RXRA: variants seen among roughly 807,000 people sequenced by gnomAD.
The protein encoded by RXRA is retinoid X receptor alpha, also known as retinoic acid receptor RXR-alpha.
A neutral mutation model predicts 44.5 loss-of-function variants in RXRA; 5 were observed. The observed-to-expected ratio is 0.11, with a 90% CI of 0.06 to 0.24. The LOEUF (loss-of-function observed/expected upper bound fraction) is 0.24, where lower values mean the gene tolerates loss of function less well. RXRA is among the 10% of genes least tolerant of loss of function. The pLI is 1.00. For missense variants in RXRA, 412 were observed against 646.5 expected (o/e 0.64, Z 3.93); for synonymous variants, 291 against 271.4 (o/e 1.07, Z -0.71).
At chr9:134,384,576 T>C (rs926363484) in intron 1 of RXRA, among the ~76,000 whole-genome samples, 50 of 151,836 alleles carry the variant, frequency 3.3e-4, no homozygotes, top group African/African-American at 1.1e-3. Context: ...CCTCAGCCGG[T>C]GGAGCTGTGG....
intron 4 of RXRA, among the ~76,000 whole-genome samples, chr9:134,410,531 T>C (rs549810278): frequency 6.6e-6 from 1 of 152,276 alleles, no homozygotes; most frequent in African/African-American, 2.4e-5. Context: ...CCCAGTCTGG[T>C]TCTTCCGGGT....
rs1203410883 is a variant in RXRA at position 134,342,853 on chromosome 9, C to A, written c.28+16194C>A. 6.6e-6 allele frequency among the ~76,000 whole-genome samples: 1 copy of A among 152,194 alleles called. No individual in the cohort carries two copies. The highest frequency in any genetic ancestry group is 2.4e-5 in the African/African-American group (1 of 41,448). On this transcript the variant is annotated intron_variant, in intron 1 of 9. Transcript: ENST00000481739. The surrounding 1 kb of genome is among the most constrained non-coding windows in gnomAD (Gnocchi z 4.4). ...TTGAGCGCAGGTGGTGGCTGTGGCCCTGCCACCACCACAGTGACCTTCCCT... is the reference window on the plus strand; with the variant it reads ...TTGAGCGCAGGTGGTGGCTGTGGCCATGCCACCACCACAGTGACCTTCCCT...
chr9:134,410,100 C>G (rs1056166725), intron 4 of RXRA, among the ~76,000 whole-genome samples: 2 of 152,250 alleles, frequency 1.3e-5, no homozygotes, highest in South Asian at 4.1e-4. Context: ...TTGTGTATGT[C>G]TTCTCAGCCT....
At chr9:134,359,668 G>A (rs980217397) in intron 1 of RXRA, among the ~76,000 whole-genome samples, 2 of 152,136 alleles carry the variant, frequency 1.3e-5, no homozygotes, top group African/African-American at 4.8e-5. Context: ...TCCCTCTGCT[G>A]GATAAATAGC....
At chr9:134,370,816 G>T (rs1674806195) in intron 1 of RXRA, among the ~76,000 whole-genome samples, 1 of 152,240 alleles carries the variant, frequency 6.6e-6, no homozygotes, top group Non-Finnish European at 1.5e-5. Context: ...GTTGGAGGTG[G>T]TGTGGACATG....
chr9:134,434,666 C>A (rs560114799), intron 9 of RXRA, among the ~76,000 whole-genome samples: 1 of 146,714 alleles, frequency 6.8e-6, no homozygotes, highest in Non-Finnish European at 1.5e-5. Context: ...GCTCATGTTT[C>A]CCCCCTGCCC....
intron 5 of RXRA, among the ~76,000 whole-genome samples, chr9:134,420,980 G>C (rs1831320426): frequency 6.6e-6 from 1 of 152,238 alleles, no homozygotes; most frequent in Non-Finnish European, 1.5e-5. Context: ...ATCCATGCCT[G>C]ATGGAACGTG....
chr9:134,400,966 G>A (rs1830949763), intron 1 of RXRA, among the ~76,000 whole-genome samples: 2 of 152,252 alleles, frequency 1.3e-5, no homozygotes, highest in African/African-American at 4.8e-5. Flanking sequence ...CACCTGAGCA[G>A]GTCCAGGCAG....
chr9:134,376,310 G>A (rs1438000112), intron 1 of RXRA, among the ~76,000 whole-genome samples: 5 of 152,206 alleles, frequency 3.3e-5, no homozygotes, highest in East Asian at 3.9e-4. Context: ...GGCAGGGTGC[G>A]TGTTTATGCA....
At chr9:134,338,176 TG>T (rs2119021057) in intron 1 of RXRA, among the ~76,000 whole-genome samples, 1 of 152,242 alleles carries the variant, frequency 6.6e-6, no homozygotes, top group African/African-American at 2.4e-5. Flanking sequence ...GACAAGCATG[TG>T]GTTCTGCTGC....
At chr9:134,348,280 T>C (rs1830178919) in intron 1 of RXRA, among the ~76,000 whole-genome samples, 1 of 152,154 alleles carries the variant, frequency 6.6e-6, no homozygotes, top group Non-Finnish European at 1.5e-5. Flanking sequence ...CCCCAGGGTC[T>C]GTGGTTGGAG....
intron 1 of RXRA, chr9:134,401,363 A>G: frequency 2.0e-6 from 1 of 509,160 alleles, no homozygotes; most frequent in East Asian, 3.6e-5. Context: ...CCTGGGGCTC[A>G]TTCACAGCGG....
chr9:134,401,990 T>A, intron 2 of RXRA, 108 bp downstream of exon 2: 2 of 944,572 alleles, frequency 2.1e-6, no homozygotes, highest in Non-Finnish European at 3.1e-6. Context: ...GTAGGTGCTG[T>A]GGTCTCCCCG....
chr9:134,430,314 G>T (rs1477760047), intron 7 of RXRA, among the ~76,000 whole-genome samples: 1 of 152,232 alleles, frequency 6.6e-6, no homozygotes, highest in African/African-American at 2.4e-5. Context: ...CCTTGGGCAG[G>T]GGTCTGCAAC....
chr9:134,402,152 G>A, intron 2 of RXRA: 1 of 518,702 alleles, frequency 1.9e-6, no homozygotes, highest in Non-Finnish European at 3.4e-6. Context: ...CATGCCGGAG[G>A]GCTCGGGACT....
chr9:134,372,633 A>G (rs1279594599), intron 1 of RXRA, among the ~76,000 whole-genome samples: 1 of 152,156 alleles, frequency 6.6e-6, no homozygotes, highest in Non-Finnish European at 1.5e-5. Context: ...GAGGAGACAG[A>G]GGATCAGAGA....
intron 9 of RXRA, 49 bp downstream of exon 9, chr9:134,434,256 C>T: frequency 7.2e-7 from 1 of 1,384,900 alleles, no homozygotes; most frequent in Non-Finnish European, 1.0e-6. Flanking sequence ...GCTCTTGTCT[C>T]CAGAGCCCCC....
At chr9:134,350,664 C>G (rs1248386318) in intron 1 of RXRA, among the ~76,000 whole-genome samples, 1 of 152,242 alleles carries the variant, frequency 6.6e-6, no homozygotes, top group Admixed American at 6.5e-5. Flanking sequence ...CAGCTCCACC[C>G]TGCCCTTCCC....
At chr9:134,363,250 G>A (rs1830375276) in intron 1 of RXRA, among the ~76,000 whole-genome samples, 2 of 152,182 alleles carry the variant, frequency 1.3e-5, no homozygotes, top group Admixed American at 1.3e-4. Flanking sequence ...GAGGGGGTGG[G>A]GGCCTCGTTG....
Sources: allele counts gnomAD v4.1 joint callset (sites outside exome capture counted in the v4.1 genomes callset), GRCh38; gene constraint gnomAD v4.1.1; non-coding constraint Gnocchi (gnomAD v3.1); transcripts MANE v1.5; gene names NCBI Gene and HGNC (gene_info 2026-07-23, HGNC 2026-07-21).